The following EXD3 variants were observed in gnomAD, a reference collection of about 807,000 sequenced individuals.
The protein encoded by EXD3 is exonuclease mut-7 homolog.
EXD3 carries 92 observed loss-of-function variants against 98.0 expected under a neutral mutation model. The observed-to-expected ratio is 0.94, with a 90% CI of 0.79 to 1.12. EXD3 has a LOEUF of 1.12. Among genes scored for constraint, EXD3 ranks in the 50% most tolerant of loss-of-function variants. EXD3 has a pLI of 0.00. For missense variants in EXD3, 1,222 were observed against 1,191.6 expected (o/e 1.03, Z -0.38); for synonymous variants, 569 against 526.0 (o/e 1.08, Z -1.12).
intron 1 of EXD3, among the ~76,000 whole-genome samples, chr9:137,413,503 C>CTTTTTT (rs768508083): frequency 2.3e-5 from 3 of 128,790 alleles, no homozygotes; most frequent in East Asian, 2.2e-4. Context: ...CCTGGCCTAG[C>CTTTTTT]TTTTTTTTTT....
At chr9:137,356,002 G>T (rs1339429420) in intron 8 of EXD3, among the ~76,000 whole-genome samples, 3 of 152,180 alleles carry the variant, frequency 2.0e-5, no homozygotes, top group East Asian at 1.9e-4. Context: ...TCTGCAGCCA[G>T]GCAGGAGGCA....
At chr9:137,316,542 C>A (rs1242511607) in intron 19 of EXD3, among the ~76,000 whole-genome samples, 1 of 152,220 alleles carries the variant, frequency 6.6e-6, no homozygotes, top group African/African-American at 2.4e-5. Context: ...CTGGGCCGAC[C>A]CTCGCAGCTC....
At chr9:137,353,721 T>C (rs1445840200) in intron 10 of EXD3, 1 of 984,998 alleles carries the variant, frequency 1.0e-6, no homozygotes, top group African/African-American at 1.7e-5. Context: ...CGCAAGGTCC[T>C]GGAGTCCATG....
intron 7 of EXD3, among the ~76,000 whole-genome samples, chr9:137,363,928 T>C (rs1166609534): frequency 1.3e-5 from 2 of 152,186 alleles, no homozygotes; most frequent in Non-Finnish European, 2.9e-5. Flanking sequence ...GTCCCCCCTT[T>C]CATTCCTGAT....
chr9:137,348,146 C>G lies in EXD3; in HGVS notation c.1923G>C (p.Leu641=), dbSNP rs1185817214. The change falls in exon 17 of 22, where the codon CTG becomes CTC. Residue 641 remains leucine (L), a synonymous_variant. Coordinates refer to ENST00000340951, the MANE Select transcript of EXD3 (RefSeq NM_017820.5). ...RVVCDNMLQG[L]ARSLRCLGVD... is the part of the protein sequence containing the mutation. ...CACCGAGACAGCGGAGGCTCCGTGC[C>G]AGCCCCTGCAGCATGTTGTCACACA... is the stretch of plus-strand genomic sequence containing the variant. 6.2e-7 allele frequency: 1 copy of G among 1,612,236 alleles called. No homozygotes were observed. The highest frequency in any genetic ancestry group is 2.2e-5 in the East Asian group (1 of 44,840).
At chr9:137,352,350 G>T in intron 11 of EXD3, 149 bp from the exon 12 acceptor site, 1 of 1,188,388 alleles carries the variant, frequency 8.4e-7, no homozygotes, top group Non-Finnish European at 1.2e-6. Context: ...CCAGCCCAGC[G>T]TGACCCTTGC....
intron 17 of EXD3, among the ~76,000 whole-genome samples, chr9:137,329,103 G>GA (rs1444607863): frequency 0.01 from 117 of 11,500 alleles, no homozygotes; most frequent in South Asian, 0.013. Context: ...GACTACACGG[G>GA]GCTACACGGG....
chr9:137,328,263 A>G (rs71485012), intron 17 of EXD3, among the ~76,000 whole-genome samples: 142 of 2,602 alleles, frequency 0.055, 2 homozygotes, highest in Non-Finnish European at 0.077. Flanking sequence ...TAAAAACAAC[A>G]AATAAACACC....
intron 3 of EXD3, among the ~76,000 whole-genome samples, chr9:137,382,020 G>GAGGAGGTGAGGGCGCGC (rs1836309274): frequency 1.6e-5 from 2 of 128,564 alleles, no homozygotes; most frequent in African/African-American, 6.5e-5. Flanking sequence ...TGAGGACGCG[G>GAGGAGGTGAGGGCGCGC]GGAGGAGGTG....
At chr9:137,375,562 G>A (rs1835857355) in intron 3 of EXD3, among the ~76,000 whole-genome samples, 1 of 151,750 alleles carries the variant, frequency 6.6e-6, no homozygotes, top group South Asian at 2.1e-4. Flanking sequence ...GTGAGTCCTA[G>A]CGCTGGCAAG....
chr9:137,349,679 C>T lies in EXD3; in HGVS notation c.1495-148G>A, dbSNP rs937790423. On this transcript the variant is annotated intron_variant, in intron 14 of 21. Transcript: ENST00000340951. This position sits in a 1 kb window ranked among gnomAD's most constrained non-coding sequence, Gnocchi z 7.4. The stretch of plus-strand genomic sequence containing the variant: ...CCACAGCAGAGACGGGGAGAAGGAG[C>T]GGACACATCCGAGGAGAGGCTCCAC... 6.8e-6 allele frequency: 6 copies of T among 876,714 alleles called. No homozygotes were observed. Among genetic ancestry groups the T allele is most frequent in the African/African-American group, 5.2e-5 (3 of 57,486 alleles). 54.3% of individuals were successfully genotyped at this position (876,714 alleles called of 1,614,324 possible).
In EXD3 at chr9:137,360,266, C is replaced by T. The variant is rs957766833; in HGVS notation, c.657-3898G>A. Reference sequence around the variant, plus strand: ...TGTTTTGTCTTTTATTGTTTATTTGCTTTGTAGGTTTTTTGCTTAAAAATA... The same window carrying T: ...TGTTTTGTCTTTTATTGTTTATTTGTTTTGTAGGTTTTTTGCTTAAAAATA... On this transcript the variant is annotated intron_variant, in intron 7 of 21. Coordinates refer to ENST00000340951, the MANE Select transcript of EXD3 (RefSeq NM_017820.5). Among the ~76,000 whole-genome samples, 2 of 85,698 alleles carry T rather than the reference C, an allele frequency of 2.3e-5. 1 individual carries two copies. Among genetic ancestry groups the T allele is most frequent in the Non-Finnish European group, 5.7e-5 (2 of 35,022 alleles). The allele number at this position is 85,698 out of a possible 152,430, so 56.2% of individuals were successfully genotyped here. A position where few individuals can be genotyped will look rare whatever the true frequency, so the allele number is the denominator to read the frequency against.
chr9:137,320,878 C>G (rs1389678973), intron 19 of EXD3, among the ~76,000 whole-genome samples: 1 of 152,228 alleles, frequency 6.6e-6, no homozygotes, highest in Non-Finnish European at 1.5e-5. Context: ...CCAGGCGTCC[C>G]GGACATCCTG....
intron 3 of EXD3, among the ~76,000 whole-genome samples, chr9:137,380,107 A>T (rs1435845837): frequency 1.3e-5 from 2 of 151,768 alleles, no homozygotes; most frequent in Non-Finnish European, 2.9e-5. Flanking sequence ...CATGGCTCTG[A>T]GACTGGGCTC....
Position 137,312,699 on chromosome 9 carries a change from T to G in EXD3, c.2185-2999A>C, listed in dbSNP as rs193225136. 6.0e-4 allele frequency among the ~76,000 whole-genome samples: 91 copies of G among 152,084 alleles called. 1 individual carries two copies. Among genetic ancestry groups the G allele is most frequent in the African/African-American group, 2.1e-3 (88 of 41,464 alleles). The stretch of plus-strand genomic sequence containing the variant: ...GGACCAAGGCAGAGGCCAAGATGTG[T>G]TAGGGTGGGGTGAGCAGCTAGGAGG... On this transcript the variant is annotated intron_variant, in intron 19 of 21. Coordinates refer to ENST00000340951, the MANE Select transcript of EXD3 (RefSeq NM_017820.5).
At chr9:137,412,208 A>T (rs1041972446) in intron 1 of EXD3, among the ~76,000 whole-genome samples, 1 of 152,174 alleles carries the variant, frequency 6.6e-6, no homozygotes, top group Non-Finnish European at 1.5e-5. Flanking sequence ...AGCCCCCAGA[A>T]GCTGTTGATC....
chr9:137,337,092 G>C (rs1833391336), intron 17 of EXD3, among the ~76,000 whole-genome samples: 1 of 152,124 alleles, frequency 6.6e-6, no homozygotes, highest in African/African-American at 2.4e-5. Context: ...GAATAATGGA[G>C]AAATGGTATT....
chr9:137,371,606 G>A lies in EXD3; in HGVS notation c.462+1299C>T, dbSNP rs115259060. On this transcript the variant is annotated intron_variant, in intron 5 of 21. Transcript: ENST00000340951. The surrounding 1 kb of genome is among the most constrained non-coding windows in gnomAD (Gnocchi z 8.0). ...TGAAGTAAGGGGGCCCTAATGGGGC[G>A]GGGAGTGGACCAGTGCCCCTGAGTG... Among the ~76,000 whole-genome samples, 1,562 of 152,060 alleles carry A rather than the reference G, an allele frequency of 0.01. 28 individuals carry two copies. Among genetic ancestry groups the A allele is most frequent in the African/African-American group, 0.036 (1,490 of 41,474 alleles).
chr9:137,354,035 T>A (rs1834467235), intron 10 of EXD3: 9 of 1,190,020 alleles, frequency 7.6e-6, no homozygotes, highest in Middle Eastern at 3.4e-4. Flanking sequence ...CTCTGGTGAC[T>A]CTCAGCCCCC....
Sources: gnomAD v4.1 joint callset for allele counts (sites outside exome capture counted in the v4.1 genomes callset) on GRCh38, gnomAD v4.1.1 for gene constraint, Gnocchi (gnomAD v3.1) non-coding constraint, MANE v1.5 for transcripts, NCBI Gene and HGNC (gene_info 2026-07-23, HGNC 2026-07-21) for gene names.